Variants in PTPRM observed in about 807,000 individuals in gnomAD.
PTPRM encodes the protein receptor-type tyrosine-protein phosphatase mu.
PTPRM carries 47 observed loss-of-function variants against 186.7 expected under a neutral mutation model. The ratio of observed to expected loss-of-function variants is 0.25; its 90% CI spans 0.20 to 0.32. The LOEUF (loss-of-function observed/expected upper bound fraction) is 0.32. Ranked by LOEUF, PTPRM falls within the 10% of genes least tolerant of loss-of-function variation. The pLI is 1.00. For missense variants in PTPRM, 1,494 were observed against 1,865.0 expected (o/e 0.80, Z 3.66); for synonymous variants, 668 against 674.9 (o/e 0.99, Z 0.16).
chr18:8,075,691 T>G (rs2089768914), intron 8 of PTPRM, among the ~76,000 whole-genome samples: 1 of 152,054 alleles, frequency 6.6e-6, no homozygotes, highest in African/African-American at 2.4e-5. Flanking sequence ...GGCATCAAAC[T>G]TCCCCCAAAT....
chr18:7,612,175 C>T (rs777584735), intron 1 of PTPRM, among the ~76,000 whole-genome samples: 1 of 151,610 alleles, frequency 6.6e-6, no homozygotes, highest in Non-Finnish European at 1.5e-5. Flanking sequence ...TGTGTATGTG[C>T]TCTGTGTGTG....
At chr18:7,768,891 C>T (rs1332574676) in intron 1 of PTPRM, among the ~76,000 whole-genome samples, 2 of 151,828 alleles carry the variant, frequency 1.3e-5, no homozygotes, top group Non-Finnish European at 2.9e-5. Context: ...GGTGATCTGC[C>T]CGCCCCAGCC....
chr18:7,680,167 A>C (rs1235023509), intron 1 of PTPRM, among the ~76,000 whole-genome samples: 2 of 152,238 alleles, frequency 1.3e-5, no homozygotes, highest in Non-Finnish European at 2.9e-5. Context: ...CGCCTGGCTG[A>C]CAATAGGCTT....
chr18:7,980,645 A>G lies in PTPRM; in HGVS notation c.1132+25231A>G, dbSNP rs115155740. Among the ~76,000 whole-genome samples the G allele has an allele frequency of 3.7e-3, 561 of 152,254 alleles. 2 individuals carry two copies. The highest frequency in any genetic ancestry group is 0.013 in the African/African-American group (533 of 41,550). On this transcript the variant is annotated intron_variant, in intron 7 of 32. Coordinates refer to ENST00000580170, the MANE Select transcript of PTPRM (RefSeq NM_001105244.2). ...ACAGTCCTCCCACCTCGGCCTCTGAAAGCACTGGGATCACAGGTTTGAGCC... is the reference window on the plus strand; with the variant it reads ...ACAGTCCTCCCACCTCGGCCTCTGAGAGCACTGGGATCACAGGTTTGAGCC...
chr18:8,098,140 G>A (rs561613), intron 11 of PTPRM, among the ~76,000 whole-genome samples: 1 of 151,846 alleles, frequency 6.6e-6, no homozygotes, highest in East Asian at 1.9e-4. Flanking sequence ...TAAGTGCACC[G>A]TATGATGTTT....
chr18:7,610,898 T>C (rs1357591988), intron 1 of PTPRM, among the ~76,000 whole-genome samples: 2 of 152,158 alleles, frequency 1.3e-5, no homozygotes, highest in Non-Finnish European at 2.9e-5. Context: ...AGGAGGTATC[T>C]AGAAGAAGGC....
intron 19 of PTPRM, among the ~76,000 whole-genome samples, chr18:8,287,459 G>A (rs918016683): frequency 2.0e-5 from 3 of 152,088 alleles, no homozygotes; most frequent in Non-Finnish European, 4.4e-5. Flanking sequence ...GCTTACTCTG[G>A]GACAAGTTTA....
At chr18:7,769,842 C>T (rs2042190414) in intron 1 of PTPRM, among the ~76,000 whole-genome samples, 1 of 152,084 alleles carries the variant, frequency 6.6e-6, no homozygotes, top group Non-Finnish European at 1.5e-5. Context: ...AAGGAAAAGC[C>T]TTTCCCAAGG....
At chr18:8,284,141 C>T (rs901713731) in intron 19 of PTPRM, among the ~76,000 whole-genome samples, 2 of 152,120 alleles carry the variant, frequency 1.3e-5, no homozygotes, top group Admixed American at 6.5e-5. Context: ...CATTAGCTCT[C>T]GGCTGTTTGC....
chr18:8,391,796 C>T (rs1396550146), intron 31 of PTPRM, among the ~76,000 whole-genome samples: 5 of 152,182 alleles, frequency 3.3e-5, no homozygotes, highest in African/African-American at 7.2e-5. Flanking sequence ...TATCCGAACA[C>T]GATGATCTCT....
chr18:8,275,046 C>T (rs1382836965), intron 19 of PTPRM, among the ~76,000 whole-genome samples: 1 of 152,162 alleles, frequency 6.6e-6, no homozygotes, highest in Non-Finnish European at 1.5e-5. Context: ...AAAATTAGTG[C>T]TAGATTTTGA....
intron 1 of PTPRM, among the ~76,000 whole-genome samples, chr18:7,571,539 G>A (rs2036566802): frequency 6.6e-6 from 1 of 152,148 alleles, no homozygotes; most frequent in Non-Finnish European, 1.5e-5. Context: ...GTTTTGATGT[G>A]TTAAGTTCTG....
chr18:7,920,912 T>C (rs987937281), intron 4 of PTPRM, among the ~76,000 whole-genome samples: 1 of 152,230 alleles, frequency 6.6e-6, no homozygotes, highest in African/African-American at 2.4e-5. Context: ...TTCCACACTT[T>C]GAAAATGTCT....
chr18:8,047,159 G>A (rs987267557), intron 7 of PTPRM, among the ~76,000 whole-genome samples: 3 of 151,996 alleles, frequency 2.0e-5, no homozygotes, highest in African/African-American at 2.4e-5. Flanking sequence ...TTTTCAACAC[G>A]GTAAGAATCA....
At chr18:8,106,078 A>G (rs2091503719) in intron 11 of PTPRM, among the ~76,000 whole-genome samples, 1 of 152,060 alleles carries the variant, frequency 6.6e-6, no homozygotes, top group African/African-American at 2.4e-5. Flanking sequence ...CGCCTAGAGG[A>G]GTCAAGACTA....
At chr18:7,795,098 C>G (rs879611400) in intron 2 of PTPRM, among the ~76,000 whole-genome samples, 4 of 152,216 alleles carry the variant, frequency 2.6e-5, no homozygotes, top group Non-Finnish European at 4.4e-5. Context: ...GTACTAAGAG[C>G]TGATTCACGG....
chr18:7,857,118 C>T (rs2047134567), intron 2 of PTPRM, among the ~76,000 whole-genome samples: 1 of 152,106 alleles, frequency 6.6e-6, no homozygotes, highest in African/African-American at 2.4e-5. Context: ...TCTGGCTTTT[C>T]TCTGCTGTGG....
chr18:7,820,176 G>A (rs1264436244), intron 2 of PTPRM, among the ~76,000 whole-genome samples: 3 of 152,088 alleles, frequency 2.0e-5, no homozygotes, highest in Non-Finnish European at 2.9e-5. Flanking sequence ...TCCACTCTTA[G>A]CCAGATGCCA....
chr18:7,920,308 T>G (rs971793452), intron 4 of PTPRM, among the ~76,000 whole-genome samples: 6 of 152,164 alleles, frequency 3.9e-5, no homozygotes, highest in African/African-American at 7.2e-5. Flanking sequence ...TTTTCTCTGG[T>G]CACGTGTTTT....
Sources: gnomAD v4.1 joint callset for allele counts (sites outside exome capture counted in the v4.1 genomes callset) on GRCh38, gnomAD v4.1.1 for gene constraint, MANE v1.5 for transcripts, NCBI Gene and HGNC (gene_info 2026-07-23, HGNC 2026-07-21) for gene names.